Variants in PSPC1 observed in about 807,000 individuals in gnomAD.
PSPC1 encodes the protein paraspeckle component 1.
Under a neutral mutation model 51.6 loss-of-function variants are expected in PSPC1, and 14 were observed. That is an observed-to-expected ratio of 0.27 (90% CI 0.18 to 0.42). The LOEUF is 0.42. Ranked by LOEUF, PSPC1 falls within the 10% of genes least tolerant of loss-of-function variation. The probability of loss-of-function intolerance (pLI) is 1.00; values close to 1 mark genes in which losing one functional copy is unlikely to be tolerated. For missense variants in PSPC1, 406 were observed against 701.1 expected (o/e 0.58, Z 4.75); for synonymous variants, 193 against 231.9 (o/e 0.83, Z 1.53).
chr13:19,703,041 A>G lies in PSPC1; in HGVS notation c.*134T>C, dbSNP rs1593567101. On this transcript the variant is annotated 3_prime_UTR_variant, in exon 9 of 9. Coordinates refer to ENST00000338910, the MANE Select transcript of PSPC1 (RefSeq NM_001354909.2). ...AATAAAGAAAAATACAAAAACCTCA[A>G]GTTTTACAAAAAAAAAAAAACTTTT... 1.9e-6 allele frequency: 1 copy of G among 525,976 alleles called. No homozygotes were observed. Among genetic ancestry groups the G allele is most frequent in the South Asian group, 2.9e-5 (1 of 34,670 alleles). The allele number at this position is 525,976 out of a possible 1,614,324, so 32.6% of individuals were successfully genotyped here.
intron 2 of PSPC1, among the ~76,000 whole-genome samples, chr13:19,762,110 C>G (rs907368434): frequency 2.0e-5 from 3 of 152,146 alleles, no homozygotes; most frequent in African/African-American, 7.2e-5. Context: ...GTTTGGACCA[C>G]TAGACAACTC....
downstream of PSPC1, among the ~76,000 whole-genome samples, chr13:19,671,558 G>A (rs1399878361): frequency 6.6e-6 from 1 of 152,192 alleles, no homozygotes; most frequent in East Asian, 1.9e-4. Context: ...TTGGTATGGA[G>A]TTGCCAAATG....
At chr13:19,731,393 G>C (rs994185803) in intron 5 of PSPC1, among the ~76,000 whole-genome samples, 8 of 141,140 alleles carry the variant, frequency 5.7e-5, no homozygotes, top group African/African-American at 2.0e-4. Flanking sequence ...AACCTGAAAT[G>C]CTCCAAAATC....
intron 2 of PSPC1, among the ~76,000 whole-genome samples, chr13:19,760,399 A>G (rs1249345152): frequency 6.6e-6 from 1 of 151,926 alleles, no homozygotes; most frequent in Admixed American, 6.6e-5. Flanking sequence ...GTGGTGGCAC[A>G]CGCCTGTAGT....
intron 4 of PSPC1, among the ~76,000 whole-genome samples, chr13:19,749,702 G>T (rs1269688001): frequency 6.7e-6 from 1 of 148,600 alleles, no homozygotes; most frequent in Non-Finnish European, 1.5e-5. Context: ...GCAGTGGCGT[G>T]ATCTCGGCTT....
intron 1 of PSPC1, among the ~76,000 whole-genome samples, chr13:19,773,484 C>T (rs77194748): frequency 6.6e-6 from 1 of 151,954 alleles, no homozygotes; most frequent in Non-Finnish European, 1.5e-5. Context: ...CAGATTTGCC[C>T]ACCTCAGCTT....
intron 5 of PSPC1, among the ~76,000 whole-genome samples, chr13:19,730,979 A>AAAAC (rs1884037281): frequency 2.9e-5 from 4 of 138,164 alleles, no homozygotes; most frequent in Admixed American, 7.3e-5. Context: ...AAAAAAAAAA[A>AAAAC]CAGAAAAAGT....
intron 7 of PSPC1, among the ~76,000 whole-genome samples, chr13:19,706,125 C>T (rs1369789957): frequency 6.6e-6 from 1 of 152,146 alleles, no homozygotes; most frequent in Non-Finnish European, 1.5e-5. Context: ...TTTGTAATAG[C>T]AGGCTTTTAA....
downstream of PSPC1, chr13:19,671,720 A>G (rs1876139007): frequency 9.0e-6 from 8 of 884,698 alleles, no homozygotes; most frequent in East Asian, 1.5e-4. Flanking sequence ...TTGATAAGCA[A>G]CTTGAAAATA....
intron 3 of PSPC1, 39 bp from the exon 4 acceptor site, chr13:19,751,506 A>G (rs1886551332): frequency 7.3e-7 from 1 of 1,367,360 alleles, no homozygotes. Flanking sequence ...GTATGCTTAA[A>G]AGGTAAAACA....
chr13:19,760,012 G>C (rs1235735738), intron 2 of PSPC1, among the ~76,000 whole-genome samples: 7 of 152,194 alleles, frequency 4.6e-5, no homozygotes, highest in Non-Finnish European at 1.5e-5. Context: ...AAACGAATTT[G>C]TACCTAACCC....
chr13:19,759,205 C>A, intron 3 of PSPC1, 118 bp downstream of exon 3: 1 of 753,918 alleles, frequency 1.3e-6, no homozygotes, highest in Non-Finnish European at 2.2e-6. Context: ...TAGACTAGAC[C>A]ACTCTATTAC....
At chr13:19,750,532 CT>C (rs1452321279) in intron 4 of PSPC1, among the ~76,000 whole-genome samples, 1 of 151,856 alleles carries the variant, frequency 6.6e-6, no homozygotes, top group African/African-American at 2.4e-5. Flanking sequence ...ACAAATGAAT[CT>C]TTTTCATCTC....
intron 2 of PSPC1, among the ~76,000 whole-genome samples, chr13:19,764,049 A>G (rs1887830771): frequency 6.6e-6 from 1 of 152,164 alleles, no homozygotes; most frequent in Non-Finnish European, 1.5e-5. Context: ...AGAGAGAGAA[A>G]AAGTATTTCA....
chr13:19,699,069 T>A (rs1471362116), downstream of PSPC1, among the ~76,000 whole-genome samples: 1 of 151,972 alleles, frequency 6.6e-6, no homozygotes, highest in Non-Finnish European at 1.5e-5. Context: ...AGTTTTGTGG[T>A]AAGCCTTTAA....
At chr13:19,724,726 G>A (rs973263722) in intron 6 of PSPC1, among the ~76,000 whole-genome samples, 4 of 149,344 alleles carry the variant, frequency 2.7e-5, no homozygotes, top group African/African-American at 2.6e-5. Context: ...TGGGCCGGGC[G>A]TGGTGGCTCA....
chr13:19,765,340 TAATA>T, intron 2 of PSPC1, among the ~76,000 whole-genome samples: 1 of 145,626 alleles, frequency 6.9e-6, no homozygotes, highest in Non-Finnish European at 1.5e-5. Context: ...ATAATAATAA[TAATA>T]ATTATTATTA....
At position 19,705,719 on chromosome 13, in the gene PSPC1, C is replaced by G. The variant is rs943724023; in HGVS notation, c.1329G>C (p.Met443Ile). The change falls in exon 8 of 9, where the codon ATG becomes ATC. Residue 443 changes from methionine (M) to isoleucine (I), a missense_variant. Physicochemically the swap from Met to Ile is conservative, Grantham distance 10 (BLOSUM62 1). Coordinates refer to ENST00000338910, the MANE Select transcript of PSPC1 (RefSeq NM_001354909.2). ...PGPPMGPGPA[M>I]GPEGAANMGT... Reference sequence around the variant, plus strand: ...CCATATTTGCGGCTCCTTCTGGTCCCATGGCAGGACCAGGACCCATTGGTG... The same window carrying G: ...CCATATTTGCGGCTCCTTCTGGTCCGATGGCAGGACCAGGACCCATTGGTG... 2 of 1,610,958 alleles carry G rather than the reference C, an allele frequency of 1.2e-6. No individual in the cohort carries two copies. Among genetic ancestry groups the G allele is most frequent in the African/African-American group, 2.7e-5 (2 of 74,610 alleles).
At chr13:19,695,320 A>G (rs1364364185) in intron 6 of PSPC1, among the ~76,000 whole-genome samples, 3 of 152,236 alleles carry the variant, frequency 2.0e-5, no homozygotes, top group Non-Finnish European at 4.4e-5. Flanking sequence ...ACATAAGTTA[A>G]GTACATTCTA....
Sources: gnomAD v4.1 joint callset for allele counts (sites outside exome capture counted in the v4.1 genomes callset) on GRCh38, gnomAD v4.1.1 for gene constraint, MANE v1.5 for transcripts, NCBI Gene and HGNC (gene_info 2026-07-23, HGNC 2026-07-21) for gene names.